L3MBTL3: variants seen among roughly 807,000 people sequenced by gnomAD.
The protein encoded by L3MBTL3 is L3MBTL histone methyl-lysine binding protein 3.
A neutral mutation model predicts 102.3 loss-of-function variants in L3MBTL3; 27 were observed. That is an observed-to-expected ratio of 0.26 (90% CI 0.19 to 0.36). L3MBTL3 has a LOEUF of 0.36. L3MBTL3 is among the 10% of genes least tolerant of loss of function. The probability of loss-of-function intolerance (pLI) is 1.00; values close to 1 mark genes in which losing one functional copy is unlikely to be tolerated. For missense variants in L3MBTL3, 798 were observed against 955.3 expected (o/e 0.84, Z 2.17); for synonymous variants, 340 against 320.9 (o/e 1.06, Z -0.64).
chr6:130,078,766 C>T, intron 14 of L3MBTL3, 132 bp downstream of exon 14: 2 of 603,138 alleles, frequency 3.3e-6, no homozygotes, highest in Non-Finnish European at 6.0e-6. Context: ...CTACTCAAAA[C>T]AGTTGTAGTG....
chr6:130,097,226 C>T (rs752485191), intron 18 of L3MBTL3, among the ~76,000 whole-genome samples: 1 of 152,110 alleles, frequency 6.6e-6, no homozygotes, highest in Non-Finnish European at 1.5e-5. Flanking sequence ...CTTACTGTGT[C>T]GTGGATATTC....
intron 22 of L3MBTL3, among the ~76,000 whole-genome samples, chr6:130,136,869 C>G (rs1329772139): frequency 6.6e-6 from 1 of 152,188 alleles, no homozygotes; most frequent in East Asian, 1.9e-4. Flanking sequence ...CCACTGACTT[C>G]AGCCTCCCAA....
intron 22 of L3MBTL3, chr6:130,137,571 T>TC (rs1367197659): frequency 6.6e-6 from 1 of 152,078 alleles, no homozygotes; most frequent in Non-Finnish European, 1.5e-5. Context: ...ATCCTTACTG[T>TC]CCCACTTTTA....
chr6:130,100,656 A>G (rs1399956862), intron 18 of L3MBTL3, among the ~76,000 whole-genome samples: 1 of 152,170 alleles, frequency 6.6e-6, no homozygotes, highest in East Asian at 1.9e-4. Flanking sequence ...CAAAAAAAAA[A>G]AAAAAGATAT....
chr6:130,020,873 C>T (rs1372367554), intron 1 of L3MBTL3, among the ~76,000 whole-genome samples: 2 of 151,296 alleles, frequency 1.3e-5, no homozygotes, highest in Non-Finnish European at 2.9e-5. Context: ...GCTTCTCCAC[C>T]TCGGGGCCAC....
intron 20 of L3MBTL3, among the ~76,000 whole-genome samples, chr6:130,128,317 A>G (rs1372166883): frequency 6.6e-6 from 1 of 152,152 alleles, no homozygotes; most frequent in East Asian, 1.9e-4. Flanking sequence ...ATGGTACTTA[A>G]CAGTGTCAGG....
intron 6 of L3MBTL3, among the ~76,000 whole-genome samples, chr6:130,052,295 C>T (rs1211193888): frequency 4.6e-5 from 7 of 151,784 alleles, no homozygotes; most frequent in East Asian, 1.9e-4. Flanking sequence ...TTAGTAGAGA[C>T]GGGGTTTCAC....
At position 130,094,352 on chromosome 6, in the gene L3MBTL3, A is replaced by C; in HGVS notation, c.1721A>C (p.His574Pro). ...ATTGGCCATTTCAAGAGAGCGAGAC[A>C]TCTGGGCCCTCACAGGTATGTGGTA... is the stretch of plus-strand genomic sequence containing the variant. ...KGIGHFKRAR[H>P]LGPHSAANCP... The change falls in exon 18 of 23, where the codon CAT becomes CCT. Residue 574 changes from histidine (H) to proline (P), a missense_variant. Transcript: ENST00000361794. 6.2e-7 allele frequency: 1 copy of C among 1,613,478 alleles called. No homozygotes were observed. Among genetic ancestry groups the C allele is most frequent in the Non-Finnish European group, 8.5e-7 (1 of 1,179,500 alleles).
rs1328328946 is a variant in L3MBTL3, at chr6:130,049,837, C to T, written c.289+7C>T. The stretch of plus-strand genomic sequence containing the variant: ...CCACCTGGATGTCCCACAGGTACCT[C>T]AAACTCCACATGTCTGAAATGCAAT... On this transcript the variant is annotated splice_region_variant and intron_variant, in intron 5 of 22. Coordinates refer to ENST00000361794, the MANE Select transcript of L3MBTL3 (RefSeq NM_032438.4). 5 of 1,610,614 alleles carry T rather than the reference C, an allele frequency of 3.1e-6. No individual in the cohort carries two copies. The South Asian group carries it at 5.5e-5, about 18-fold the overall frequency.
chr6:130,134,010 G>T, intron 22 of L3MBTL3, 105 bp downstream of exon 22: 1 of 877,124 alleles, frequency 1.1e-6, no homozygotes, highest in South Asian at 1.4e-5. Flanking sequence ...AAGAGATGGG[G>T]TGTGTTGAAA....
intron 18 of L3MBTL3, among the ~76,000 whole-genome samples, chr6:130,102,630 ACT>A (rs1055107870): frequency 2.6e-5 from 4 of 151,664 alleles, no homozygotes; most frequent in African/African-American, 9.7e-5. Flanking sequence ...TCCCCATCAC[ACT>A]CTAGCCAACC....
rs578135867 is a variant in L3MBTL3 at position 130,102,768 on chromosome 6, G to A, written c.1737-1658G>A. Among the ~76,000 whole-genome samples, 5 of 152,230 alleles carry A rather than the reference G, an allele frequency of 3.3e-5. No individual in the cohort carries two copies. The East Asian group carries it at 5.8e-4, about 18-fold the overall frequency. ...CTTCCTGACCATTACAGCTCTGCTC[G>A]GGTGCTTCTTCTCCAAGGAGGACCT... On this transcript the variant is annotated intron_variant, in intron 18 of 22. Transcript: ENST00000361794.
chr6:130,029,457 G>A (rs185541183), intron 2 of L3MBTL3, among the ~76,000 whole-genome samples: 54 of 152,302 alleles, frequency 3.5e-4, no homozygotes, highest in Non-Finnish European at 7.2e-4. Flanking sequence ...GTAAGGTTGC[G>A]AATGGCCTAG....
Position 130,054,886 on chromosome 6 carries a change from TCAGAG to T in L3MBTL3, c.583-278_583-274del, listed in dbSNP as rs1781359226. Among the ~76,000 whole-genome samples the T allele has an allele frequency of 2.0e-5, 3 of 152,078 alleles. No individual in the cohort carries two copies. In the South Asian group the frequency reaches 6.2e-4, roughly 32 times the overall value. ...AGGAGCCAGTAAGGCGTGAGGAAAATCAGAGCAGAGCGGTCACGCAGCTGAGAGCA... is the reference window on the plus strand; with the variant it reads ...AGGAGCCAGTAAGGCGTGAGGAAAATCAGAGCGGTCACGCAGCTGAGAGCA... On this transcript the variant is annotated intron_variant, in intron 7 of 22. Transcript: ENST00000361794.
Position 130,023,059 on chromosome 6 carries a change from C to CT in L3MBTL3, c.-16+763dup, listed in dbSNP as rs146627886. 4.6e-5 allele frequency among the ~76,000 whole-genome samples: 7 copies of CT among 151,560 alleles called. No individual in the cohort carries two copies. In the South Asian group the frequency reaches 6.3e-4, roughly 14 times the overall value. ...CTCCAGTGCTTTCTACTGTTTATAC[C>CT]TTTTTTTTTCTTCCTTTAATCTTCC... On this transcript the variant is annotated intron_variant, in intron 2 of 22. Coordinates refer to ENST00000361794, the MANE Select transcript of L3MBTL3 (RefSeq NM_032438.4).
In L3MBTL3 at chr6:130,133,759, C is replaced by A. The variant is rs556986985; in HGVS notation, c.2137-84C>A. 279 of 1,448,404 alleles carry A rather than the reference C, an allele frequency of 1.9e-4. No individual in the cohort carries two copies. The African/African-American group carries it at 3.6e-3, about 18-fold the overall frequency. 89.7% of individuals were successfully genotyped at this position (1,448,404 alleles called of 1,614,324 possible). A position where few individuals can be genotyped will look rare whatever the true frequency, so the allele number is the denominator to read the frequency against. ...ATTATTGTGAGAGAAATAACTAATGCATATGGGTTAAATGTTTTGAACCTG... is the reference window on the plus strand; with the variant it reads ...ATTATTGTGAGAGAAATAACTAATGAATATGGGTTAAATGTTTTGAACCTG... On this transcript the variant is annotated intron_variant, in intron 21 of 22. Coordinates refer to ENST00000361794, the MANE Select transcript of L3MBTL3 (RefSeq NM_032438.4). This position sits in a 1 kb window ranked among gnomAD's most constrained non-coding sequence, Gnocchi z 4.9.
chr6:130,067,739 G>A (rs749465327), intron 11 of L3MBTL3, among the ~76,000 whole-genome samples: 19 of 152,054 alleles, frequency 1.2e-4, no homozygotes, highest in Admixed American at 4.6e-4. Flanking sequence ...AAGCATATTC[G>A]CAGATAAAAT....
intron 22 of L3MBTL3, among the ~76,000 whole-genome samples, chr6:130,135,595 T>C (rs898253116): frequency 6.6e-6 from 1 of 152,238 alleles, no homozygotes; most frequent in Non-Finnish European, 1.5e-5. Context: ...AAATTCAAAA[T>C]GAGATGCTAT....
intron 13 of L3MBTL3, among the ~76,000 whole-genome samples, chr6:130,074,500 G>A (rs572748931): frequency 5.3e-5 from 8 of 152,286 alleles, no homozygotes; most frequent in Non-Finnish European, 7.4e-5. Flanking sequence ...AGGGACCCAG[G>A]AAGGTAGGTC....
Sources: gnomAD v4.1 joint callset for allele counts (sites outside exome capture counted in the v4.1 genomes callset) on GRCh38, gnomAD v4.1.1 for gene constraint, Gnocchi (gnomAD v3.1) non-coding constraint, MANE v1.5 for transcripts, NCBI Gene and HGNC (gene_info 2026-07-23, HGNC 2026-07-21) for gene names.